TMEM132C: variants seen among roughly 807,000 people sequenced by gnomAD.
The protein encoded by TMEM132C is transmembrane protein 132C, also known as protein phosphatase 1, regulatory subunit 152.
TMEM132C carries 29 observed loss-of-function variants against 61.4 expected under a neutral mutation model. That is an observed-to-expected ratio of 0.47 (90% CI 0.35 to 0.64). The LOEUF (loss-of-function observed/expected upper bound fraction) is 0.64. TMEM132C is among the 30% of genes least tolerant of loss of function. TMEM132C has a pLI of 0.00. For missense variants in TMEM132C, 1,408 were observed against 1,476.9 expected, an observed-to-expected ratio of 0.95 and a Z score of 0.76; for synonymous variants, 656 against 633.1, an observed-to-expected ratio of 1.04 and a Z score of -0.54.
At chr12:128,641,996 A>ATGGGGT (rs1429421536) in intron 4 of TMEM132C, among the ~76,000 whole-genome samples, 4 of 139,130 alleles carry the variant, frequency 2.9e-5, no homozygotes. Context: ...TTTAGTAGAG[A>ATGGGGT]TGGGGTTTCA....
intron 2 of TMEM132C, among the ~76,000 whole-genome samples, chr12:128,511,808 C>T (rs887411898): frequency 1.3e-5 from 2 of 152,226 alleles, no homozygotes; most frequent in African/African-American, 4.8e-5. Context: ...GCAGAGGCCC[C>T]ACTCTGCATC....
intron 1 of TMEM132C, among the ~76,000 whole-genome samples, chr12:128,406,386 A>C (rs1005097786): frequency 2.0e-5 from 3 of 152,212 alleles, no homozygotes; most frequent in African/African-American, 7.2e-5. Flanking sequence ...TAAACACACT[A>C]TCCTTTTTCC....
chr12:128,690,189 C>T (rs916248337), intron 5 of TMEM132C, among the ~76,000 whole-genome samples: 16 of 152,130 alleles, frequency 1.1e-4, no homozygotes, highest in African/African-American at 1.7e-4. Context: ...GCATTCTGTC[C>T]GCATAGTTTA....
chr12:128,549,991 A>G (rs1451699126), intron 3 of TMEM132C, among the ~76,000 whole-genome samples: 2 of 152,104 alleles, frequency 1.3e-5, no homozygotes, highest in Non-Finnish European at 2.9e-5. Flanking sequence ...AATACACCCA[A>G]TGGATCACCC....
At chr12:128,611,908 C>T (rs567664755) in intron 3 of TMEM132C, among the ~76,000 whole-genome samples, 17 of 152,334 alleles carry the variant, frequency 1.1e-4, no homozygotes, top group African/African-American at 3.8e-4. Flanking sequence ...GACACCAAAT[C>T]GCCCAGTGAC....
At chr12:128,618,395 G>A (rs191950945) in intron 4 of TMEM132C, among the ~76,000 whole-genome samples, 3 of 152,328 alleles carry the variant, frequency 2.0e-5, no homozygotes, top group Admixed American at 2.0e-4. Context: ...GTAAATGCAT[G>A]TGAATTCAAA....
chr12:128,312,793 T>G (rs1471076224), intron 1 of TMEM132C, among the ~76,000 whole-genome samples: 1 of 152,206 alleles, frequency 6.6e-6, no homozygotes, highest in Non-Finnish European at 1.5e-5. Flanking sequence ...TTGTGCTAAT[T>G]TATTATGGCA....
chr12:128,320,142 C>A (rs1406833614), intron 1 of TMEM132C, among the ~76,000 whole-genome samples: 1 of 152,100 alleles, frequency 6.6e-6, no homozygotes, highest in Non-Finnish European at 1.5e-5. Flanking sequence ...TGGTTTTTTT[C>A]TAAGTATATT....
intron 1 of TMEM132C, among the ~76,000 whole-genome samples, chr12:128,389,806 C>T (rs528286278): frequency 1.1e-4 from 16 of 152,164 alleles, no homozygotes; most frequent in South Asian, 4.2e-4. Flanking sequence ...CAGCCCTCAC[C>T]GCATTAAGAA....
chr12:128,672,341 A>G (rs1221809752), intron 5 of TMEM132C, among the ~76,000 whole-genome samples: 1 of 152,156 alleles, frequency 6.6e-6, no homozygotes, highest in Non-Finnish European at 1.5e-5. Flanking sequence ...TAACGTGTTG[A>G]TAAGACACCT....
intron 1 of TMEM132C, among the ~76,000 whole-genome samples, chr12:128,412,107 T>TGG (rs1868578353): frequency 6.6e-6 from 1 of 152,230 alleles, no homozygotes; most frequent in Non-Finnish European, 1.5e-5. Context: ...CAAAATTACT[T>TGG]GGATTAGTTC....
At chr12:128,584,657 G>A (rs1290755791) in intron 3 of TMEM132C, among the ~76,000 whole-genome samples, 1 of 152,200 alleles carries the variant, frequency 6.6e-6, no homozygotes, top group Non-Finnish European at 1.5e-5. Flanking sequence ...ATTTTGGTGA[G>A]ACCCAGCAGG....
chr12:128,471,370 A>T (rs1870946370), intron 2 of TMEM132C, among the ~76,000 whole-genome samples: 1 of 152,050 alleles, frequency 6.6e-6, no homozygotes, highest in Admixed American at 6.6e-5. Flanking sequence ...GGGAGGTGGA[A>T]GCACAGATGG....
chr12:128,426,683 C>T (rs1041240011), intron 2 of TMEM132C, among the ~76,000 whole-genome samples: 1 of 152,082 alleles, frequency 6.6e-6, no homozygotes, highest in Admixed American at 6.5e-5. Flanking sequence ...ATAATGTTTC[C>T]TGCTACATCC....
intron 1 of TMEM132C, among the ~76,000 whole-genome samples, chr12:128,412,549 C>T (rs966422605): frequency 1.3e-5 from 2 of 152,088 alleles, no homozygotes; most frequent in African/African-American, 2.4e-5. Context: ...CTATATTGTT[C>T]TCGGGGTAGT....
At chr12:128,649,569 C>T (rs1003385075) in intron 4 of TMEM132C, among the ~76,000 whole-genome samples, 1 of 152,194 alleles carries the variant, frequency 6.6e-6, no homozygotes, top group Non-Finnish European at 1.5e-5. Flanking sequence ...TTGGGACTGA[C>T]TTTGAAAATA....
At position 128,424,069 on chromosome 12, in the gene TMEM132C, A is replaced by AAAG. The variant is rs1267892355; in HGVS notation, c.974+8450_974+8451insAGA. 2.9e-4 allele frequency among the ~76,000 whole-genome samples: 44 copies of AAAG among 149,230 alleles called. 1 individual carries two copies. The highest frequency in any genetic ancestry group is 1.1e-3 in the African/African-American group (42 of 39,788). ...CTCAAAAAAAAAAAAAAAAAAAAAA[A>AAAG]ACTTTGGGAGGCTAATCCATTGCAG... On this transcript the variant is annotated intron_variant, in intron 2 of 8. Transcript: ENST00000435159.
chr12:128,427,556 C>T (rs1042664323), intron 2 of TMEM132C, among the ~76,000 whole-genome samples: 24 of 151,964 alleles, frequency 1.6e-4, no homozygotes, highest in Non-Finnish European at 2.9e-4. Flanking sequence ...CAGCCTAGGA[C>T]ACTTCCCCCA....
intron 1 of TMEM132C, among the ~76,000 whole-genome samples, chr12:128,403,748 G>A (rs1406590125): frequency 6.6e-6 from 1 of 152,130 alleles, no homozygotes; most frequent in Non-Finnish European, 1.5e-5. Flanking sequence ...GGAAGTTGTG[G>A]GACAAGGATT....
Sources: allele counts gnomAD v4.1 joint callset (sites outside exome capture counted in the v4.1 genomes callset), GRCh38; gene constraint gnomAD v4.1.1; transcripts MANE v1.5; gene names NCBI Gene and HGNC (gene_info 2026-07-23, HGNC 2026-07-21).